LRRC56: variants seen among roughly 807,000 people sequenced by gnomAD.
LRRC56 encodes the protein leucine-rich repeat-containing protein 56.
In LRRC56, 41 loss-of-function variants were observed where a neutral mutation model predicts 47.8. The ratio of observed to expected loss-of-function variants is 0.86; its 90% CI spans 0.67 to 1.11. LRRC56 has a LOEUF of 1.11. LRRC56 is among the 50% of genes most tolerant of loss of function. The probability of loss-of-function intolerance (pLI) is 0.00; values close to 1 mark genes in which losing one functional copy is unlikely to be tolerated. For missense variants in LRRC56, 759 were observed against 704.2 expected, an observed-to-expected ratio of 1.08 and a Z score of -0.88; for synonymous variants, 387 against 311.2, an observed-to-expected ratio of 1.24 and a Z score of -2.56.
At chr11:553,086 G>T (rs1014159314) in intron 13 of LRRC56, among the ~76,000 whole-genome samples, 4 of 152,258 alleles carry the variant, frequency 2.6e-5, no homozygotes, top group Non-Finnish European at 5.9e-5. Flanking sequence ...ATGAGTCCGG[G>T]GGCTGGGAGG....
At chr11:548,387 C>T (rs1047848892) in intron 6 of LRRC56, among the ~76,000 whole-genome samples, 2 of 151,966 alleles carry the variant, frequency 1.3e-5, no homozygotes, top group Admixed American at 1.3e-4. Flanking sequence ...CTCAGGTGCT[C>T]CTCCCACCTC....
At chr11:530,159 C>T in the LRRC56 span, among the ~76,000 whole-genome samples, 3 of 152,142 alleles carry the variant, frequency 2.0e-5, no homozygotes, top group Admixed American at 1.3e-4. Flanking sequence ...TCCTGGACAC[C>T]CCAGGACCAC....
chr11:528,586 G>A, the LRRC56 span: 28 of 152,164 alleles, frequency 1.8e-4, no homozygotes, highest in Admixed American at 3.9e-4. Flanking sequence ...CCCCCTCCCC[G>A]CGTCTGCATC....
the LRRC56 span, chr11:507,194 T>C: frequency 6.6e-6 from 1 of 152,000 alleles, no homozygotes; most frequent in African/African-American, 2.4e-5. Context: ...GCAGAACGGG[T>C]TGAACGTGTC....
chr11:553,168 C>T (rs552124745), intron 13 of LRRC56, among the ~76,000 whole-genome samples: 1 of 152,176 alleles, frequency 6.6e-6, no homozygotes, highest in Non-Finnish European at 1.5e-5. Context: ...AGATGGCACG[C>T]GCACTTGGGG....
At chr11:536,554 G>A (rs1416517364), upstream of LRRC56, among the ~76,000 whole-genome samples, 1 of 152,214 alleles carries the variant, frequency 6.6e-6, no homozygotes, top group Non-Finnish European at 1.5e-5. Flanking sequence ...TGGATTACTT[G>A]AGGTCAGGAG....
Position 554,564 on chromosome 11 carries a change from G to T in LRRC56, c.*288G>T. 2.4e-6 allele frequency: 1 copy of T among 415,812 alleles called. No individual in the cohort carries two copies. The highest frequency in any genetic ancestry group is 4.3e-6 in the Non-Finnish European group (1 of 234,954). 25.8% of individuals were successfully genotyped at this position (415,812 alleles called of 1,614,324 possible). A position where few individuals can be genotyped will look rare whatever the true frequency, so the allele number is the denominator to read the frequency against. ...TCCCGCGGGCACGGGGGTGGGGGGT[G>T]GTCACCCGAGCAGGCCTGTGAGAGG... On this transcript the variant is annotated 3_prime_UTR_variant, in exon 14 of 14. Coordinates refer to ENST00000270115, the MANE Select transcript of LRRC56 (RefSeq NM_198075.4).
intron 4 of LRRC56, 88 bp downstream of exon 4, chr11:540,949 C>G (rs541223168): frequency 2.7e-6 from 3 of 1,103,730 alleles, no homozygotes; most frequent in South Asian, 1.6e-5. Flanking sequence ...CCAGCCTGCC[C>G]TCTGTCCCCC....
At chr11:538,232 G>A (rs375683706) in intron 1 of LRRC56, among the ~76,000 whole-genome samples, 10 of 152,302 alleles carry the variant, frequency 6.6e-5, no homozygotes, top group African/African-American at 2.4e-4. Context: ...GGGCTCTTGG[G>A]CACAGAGGAG....
upstream of LRRC56, chr11:534,512 G>C (rs937690741): frequency 5.0e-6 from 3 of 605,794 alleles, no homozygotes; most frequent in African/African-American, 1.9e-5. Flanking sequence ...ACTGCAGCGT[G>C]CCTACCTGTG....
chr11:512,090 C>T, the LRRC56 span, among the ~76,000 whole-genome samples: 3 of 151,922 alleles, frequency 2.0e-5, no homozygotes, highest in East Asian at 5.8e-4. Context: ...ACTACAGGTG[C>T]GTGCCACCAC....
intron 6 of LRRC56, among the ~76,000 whole-genome samples, chr11:549,296 C>T (rs1051542734): frequency 1.3e-5 from 2 of 152,312 alleles, no homozygotes; most frequent in Non-Finnish European, 2.9e-5. Flanking sequence ...GGGACGGCCT[C>T]CCAGCCGAGA....
chr11:543,484 A>G (rs1298047442), intron 5 of LRRC56, among the ~76,000 whole-genome samples: 2 of 151,252 alleles, frequency 1.3e-5, no homozygotes, highest in African/African-American at 4.9e-5. Flanking sequence ...CAAAGTGCTG[A>G]GATTATAGGT....
the LRRC56 span, chr11:529,495 G>A: frequency 6.6e-6 from 1 of 152,318 alleles, no homozygotes; most frequent in Non-Finnish European, 1.5e-5. Flanking sequence ...AGCAGTTGTG[G>A]ACAATGAGGG....
chr11:533,026 A>G (rs957559354), upstream of LRRC56, among the ~76,000 whole-genome samples: 2 of 152,132 alleles, frequency 1.3e-5, no homozygotes, highest in Admixed American at 1.3e-4. Context: ...ACCACCCTGC[A>G]CCCAGCTCTC....
At position 552,100 on chromosome 11, in the gene LRRC56, C is replaced by G; in HGVS notation, c.1049C>G (p.Pro350Arg). ...ERRHQCQARE[P>R]PEQLPQHRPG... ...CCTTTTCCTCCCCAGGCCAGGGAGC[C>G]CCCCGAGCAGCTGCCCCAACACAGG... Residue 350 changes from proline (P) to arginine (R), a missense_variant, in exon 12 of 14, where the codon CCC (proline) becomes CGC (arginine). Coordinates refer to ENST00000270115, the MANE Select transcript of LRRC56 (RefSeq NM_198075.4). The G allele has an allele frequency of 1.2e-6, 2 of 1,611,102 alleles. No individual in the cohort carries two copies. Among genetic ancestry groups the G allele is most frequent in the South Asian group, 2.2e-5 (2 of 90,992 alleles).
At chr11:546,424 C>T (rs183137848) in intron 6 of LRRC56, among the ~76,000 whole-genome samples, 34 of 152,022 alleles carry the variant, frequency 2.2e-4, no homozygotes, top group East Asian at 1.2e-3. Flanking sequence ...AAAAATTAGC[C>T]GGGCGTGGTG....
chr11:535,480 G>GGGGCGC (rs1202195241), upstream of LRRC56: 2 of 147,222 alleles, frequency 1.4e-5, no homozygotes, highest in African/African-American at 4.9e-5. Context: ...GGCGGGGGCG[G>GGGGCGC]GGGCGCGCGG....
the LRRC56 span, chr11:528,522 A>G: frequency 6.6e-6 from 1 of 152,288 alleles, no homozygotes; most frequent in East Asian, 1.9e-4. Context: ...AGACAGAGGG[A>G]CACTGAACCC....
Sources: allele counts gnomAD v4.1 joint callset (sites outside exome capture counted in the v4.1 genomes callset), GRCh38; gene constraint gnomAD v4.1.1; transcripts MANE v1.5; gene names NCBI Gene and HGNC (gene_info 2026-07-23, HGNC 2026-07-21).